PLCB4: variants seen among roughly 807,000 people sequenced by gnomAD.
PLCB4 encodes the protein phospholipase C beta 4.
A neutral mutation model predicts 178.8 loss-of-function variants in PLCB4; 77 were observed. That is an observed-to-expected ratio of 0.43 (90% CI 0.36 to 0.52). The LOEUF is 0.52. PLCB4 is among the 20% of genes least tolerant of loss of function. PLCB4 has a pLI of 0.00. For synonymous variants in PLCB4, 496 were observed against 490.8 expected (o/e 1.01, Z -0.14); for missense variants, 1,024 against 1,453.4 (o/e 0.70, Z 4.80).
At chr20:9,415,892 C>T (rs1187549906) in intron 25 of PLCB4, among the ~76,000 whole-genome samples, 1 of 152,108 alleles carries the variant, frequency 6.6e-6, no homozygotes, top group Non-Finnish European at 1.5e-5. Context: ...CTATCAATGC[C>T]CCAGCCCCCT....
chr20:9,291,428 G>A (rs942348940), intron 3 of PLCB4, among the ~76,000 whole-genome samples: 10 of 152,094 alleles, frequency 6.6e-5, no homozygotes, highest in South Asian at 6.2e-4. Flanking sequence ...AGGAGGAGGG[G>A]CCTGAAAAGG....
chr20:9,203,056 A>AAAAAATATATATATAT (rs769628056), intron 2 of PLCB4, among the ~76,000 whole-genome samples: 1 of 126,162 alleles, frequency 7.9e-6, no homozygotes, highest in African/African-American at 3.3e-5. Context: ...AAAAAAAAAA[A>AAAAAATATATATATAT]ATATATATAT....
chr20:9,071,356 A>G (rs2089563460), intron 1 of PLCB4, among the ~76,000 whole-genome samples: 1 of 152,202 alleles, frequency 6.6e-6, no homozygotes. Flanking sequence ...TTTTCCTAAG[A>G]TACCACTAAC....
intron 2 of PLCB4, among the ~76,000 whole-genome samples, chr20:9,143,954 G>T (rs2092545301): frequency 6.6e-6 from 1 of 152,080 alleles, no homozygotes; most frequent in Non-Finnish European, 1.5e-5. Flanking sequence ...AAACAGTCTT[G>T]AGGGACTTAA....
intron 35 of PLCB4, among the ~76,000 whole-genome samples, chr20:9,461,120 ATCT>A (rs749450006): frequency 6.6e-6 from 1 of 152,216 alleles, no homozygotes; most frequent in Non-Finnish European, 1.5e-5. Context: ...CACTTGTCTA[ATCT>A]TCTTTTACAT....
intron 3 of PLCB4, among the ~76,000 whole-genome samples, chr20:9,298,869 T>C (rs891471802): frequency 3.9e-5 from 6 of 152,094 alleles, no homozygotes; most frequent in African/African-American, 1.4e-4. Flanking sequence ...TTGTGTTCTT[T>C]TAATACACTC....
intron 7 of PLCB4, among the ~76,000 whole-genome samples, chr20:9,361,852 C>T (rs1191193472): frequency 1.3e-5 from 2 of 152,162 alleles, no homozygotes; most frequent in East Asian, 3.9e-4. Context: ...GAGCCATCAA[C>T]CCCATGTTGA....
chr20:9,266,191 A>G (rs1170928285), intron 3 of PLCB4, among the ~76,000 whole-genome samples: 4 of 152,282 alleles, frequency 2.6e-5, no homozygotes, highest in South Asian at 2.1e-4. Flanking sequence ...CAACATTGCT[A>G]TCTCTGGAGA....
At chr20:9,178,120 A>C (rs2093185214) in intron 2 of PLCB4, among the ~76,000 whole-genome samples, 1 of 152,138 alleles carries the variant, frequency 6.6e-6, no homozygotes, top group South Asian at 2.1e-4. Context: ...GGAGTTCGAG[A>C]CCATTCTGAC....
intron 2 of PLCB4, among the ~76,000 whole-genome samples, chr20:9,184,329 G>T (rs1261578294): frequency 6.6e-6 from 1 of 152,050 alleles, no homozygotes; most frequent in Non-Finnish European, 1.5e-5. Context: ...GCTTTATTTG[G>T]CTCAGAATGA....
chr20:9,291,008 G>A (rs2094575474), intron 3 of PLCB4, among the ~76,000 whole-genome samples: 1 of 152,046 alleles, frequency 6.6e-6, no homozygotes, highest in African/African-American at 2.4e-5. Context: ...AGCTGGGGCT[G>A]GAATGTAGGT....
intron 2 of PLCB4, among the ~76,000 whole-genome samples, chr20:9,097,217 G>A (rs1050256072): frequency 8.0e-5 from 12 of 149,126 alleles, no homozygotes; most frequent in African/African-American, 2.0e-4. Flanking sequence ...TTATGGGTGT[G>A]AGCCACAGCC....
At chr20:9,278,556 C>T (rs1306630661) in intron 3 of PLCB4, among the ~76,000 whole-genome samples, 3 of 151,986 alleles carry the variant, frequency 2.0e-5, no homozygotes, top group East Asian at 1.9e-4. Flanking sequence ...GTTACTCCAG[C>T]GAGCTCTCTC....
At chr20:9,100,238 A>G (rs1447992190) in intron 2 of PLCB4, among the ~76,000 whole-genome samples, 10 of 152,196 alleles carry the variant, frequency 6.6e-5, no homozygotes, top group African/African-American at 2.4e-4. Flanking sequence ...GGTGAAACAG[A>G]GTTAGTTACT....
Position 9,395,581 on chromosome 20 carries a change from C to T in PLCB4, c.1473C>T (p.Asn491=). 6.2e-7 allele frequency: 1 copy of T among 1,613,428 alleles called. No individual in the cohort carries two copies. Among genetic ancestry groups the T allele is most frequent in the Non-Finnish European group, 8.5e-7 (1 of 1,179,450 alleles). The change falls in exon 19 of 40, where the codon AAC becomes AAT. Residue 491 remains asparagine, a synonymous_variant. Transcript: ENST00000378473. The stretch of plus-strand genomic sequence containing the variant: ...CTGGAGAATCTGCCTCCCCAGCAAA[C>T]ATCTTAGAGGACGATAATGAAGAGG... ...MEAGESASPA[N]ILEDDNEEEI...
chr20:9,329,271 A>G (rs1284513611), intron 4 of PLCB4, among the ~76,000 whole-genome samples: 1 of 152,190 alleles, frequency 6.6e-6, no homozygotes, highest in African/African-American at 2.4e-5. Flanking sequence ...TTGTTAGAAA[A>G]GAAATGATTT....
At chr20:9,297,545 T>G (rs1182678350) in intron 3 of PLCB4, among the ~76,000 whole-genome samples, 1 of 152,082 alleles carries the variant, frequency 6.6e-6, no homozygotes, top group African/African-American at 2.4e-5. Flanking sequence ...ATACAAACTA[T>G]CTTCTGTTTC....
chr20:9,273,581 A>T (rs992191166), intron 3 of PLCB4, among the ~76,000 whole-genome samples: 2 of 151,748 alleles, frequency 1.3e-5, no homozygotes, highest in African/African-American at 4.8e-5. Context: ...GTCATGGATG[A>T]TGGGTAGGTA....
At chr20:9,367,596 A>G (rs1014273125) in intron 9 of PLCB4, among the ~76,000 whole-genome samples, 1 of 152,228 alleles carries the variant, frequency 6.6e-6, no homozygotes, top group African/African-American at 2.4e-5. Context: ...GAAGAATAGA[A>G]ATGTAGGTTG....
Sources: gnomAD v4.1 joint callset for allele counts (sites outside exome capture counted in the v4.1 genomes callset) on GRCh38, gnomAD v4.1.1 for gene constraint, MANE v1.5 for transcripts, NCBI Gene and HGNC (gene_info 2026-07-23, HGNC 2026-07-21) for gene names.